SEMA6A: variants seen among roughly 807,000 people sequenced by gnomAD.
SEMA6A encodes semaphorin 6A.
A neutral mutation model predicts 96.8 loss-of-function variants in SEMA6A; 25 were observed. The ratio of observed to expected loss-of-function variants is 0.26; its 90% CI spans 0.19 to 0.36. The LOEUF (loss-of-function observed/expected upper bound fraction) is 0.36. Ranked by LOEUF, SEMA6A falls within the 10% of genes least tolerant of loss-of-function variation. The pLI, the probability that SEMA6A is intolerant of heterozygous loss-of-function variation, is 1.00. For synonymous variants in SEMA6A, 612 were observed against 518.0 expected (o/e 1.18, Z -2.46); for missense variants, 1,363 against 1,323.1 (o/e 1.03, Z -0.47).
At chr5:116,512,609 T>C (rs1015277938) in intron 1 of SEMA6A, among the ~76,000 whole-genome samples, 1 of 152,212 alleles carries the variant, frequency 6.6e-6, no homozygotes, top group Non-Finnish European at 1.5e-5. Context: ...AAAGGTTGGT[T>C]GTATACGTAT....
rs762933286 is a variant in SEMA6A at position 116,447,131 on chromosome 5, G to A, written c.2575C>T (p.Leu859Phe). ...CCATGGTTGGGACTCTTGCTGCTGA[G>A]ATGTTCCTTGATGGTCTTATACTCC... ...TLEYKTIKEH[L>F]SSKSPNHGVN... Residue 859 changes from leucine to phenylalanine, a missense_variant, in exon 19 of 19, where the codon CTC (leucine) becomes TTC (phenylalanine). By Grantham distance (22) the Leu-to-Phe change is conservative. Transcript: ENST00000343348. The A allele has an allele frequency of 6.2e-6, 10 of 1,613,984 alleles. No individual in the cohort carries two copies. Among genetic ancestry groups the A allele is most frequent in the Non-Finnish European group, 8.5e-6 (10 of 1,179,878 alleles).
Position 116,446,681 on chromosome 5 carries a change from C to T in SEMA6A, c.3025G>A (p.Asp1009Asn). 1 of 1,565,540 alleles carries T rather than the reference C, an allele frequency of 6.4e-7. No homozygotes were observed. Among genetic ancestry groups the T allele is most frequent in the Non-Finnish European group, 8.7e-7 (1 of 1,154,290 alleles). Reference protein sequence around the residue: ...GLKRTPSLKPDVPPKPSFAPL... With the variant: ...GLKRTPSLKPNVPPKPSFAPL... ...GCAAAGGATGGTTTGGGGGGTACGT[C>T]CGGCTTTAGCGAGGGCGTACGCTTC... The change falls in exon 19 of 19, where the codon GAC (aspartate) becomes AAC (asparagine). Residue 1009 changes from aspartate (D) to asparagine (N), a missense_variant. This residue lies in a region of SEMA6A where 883 missense variants were observed against 763.6 expected (regional missense o/e 1.16). Coordinates refer to ENST00000343348, the MANE Select transcript of SEMA6A (RefSeq NM_020796.5).
chr5:116,492,228 T>G (rs1757365137), intron 6 of SEMA6A: 2 of 183,670 alleles, frequency 1.1e-5, no homozygotes, highest in Non-Finnish European at 2.3e-5. Flanking sequence ...TCCTAAGCTG[T>G]GCACGCTCTA....
chr5:116,462,294 G>A (rs750220262), intron 18 of SEMA6A, among the ~76,000 whole-genome samples: 1 of 152,158 alleles, frequency 6.6e-6, no homozygotes, highest in Non-Finnish European at 1.5e-5. Context: ...CTTAGAATAG[G>A]TAAAGTTTGA....
intron 1 of SEMA6A, among the ~76,000 whole-genome samples, chr5:116,570,513 G>T (rs991089716): frequency 5.9e-5 from 9 of 152,342 alleles, no homozygotes; most frequent in Admixed American, 5.9e-4. Context: ...GAAGGGTGTG[G>T]AGAGGGGCAG....
chr5:116,503,374 G>A (rs1580446679), intron 2 of SEMA6A, among the ~76,000 whole-genome samples: 1 of 152,154 alleles, frequency 6.6e-6, no homozygotes, highest in Non-Finnish European at 1.5e-5. Context: ...AGACAATCTT[G>A]TGCTTTCCCT....
chr5:116,505,024 T>TG, intron 1 of SEMA6A, 42 bp from the exon 2 acceptor site: 1 of 904,870 alleles, frequency 1.1e-6, no homozygotes, highest in Non-Finnish European at 1.7e-6. Context: ...AAGTCAGCTT[T>TG]GTTCAATGCC....
intron 2 of SEMA6A, 90 bp downstream of exon 2, chr5:116,504,755 T>A: frequency 2.0e-6 from 2 of 1,000,712 alleles, no homozygotes; most frequent in Non-Finnish European, 3.1e-6. Context: ...TCACCTATTC[T>A]ATTTCATTTT....
chr5:116,489,125 G>T, intron 7 of SEMA6A, 118 bp from the exon 8 acceptor site: 1 of 1,176,542 alleles, frequency 8.5e-7, no homozygotes, highest in Admixed American at 3.2e-5. Context: ...AGCACAACTG[G>T]GAAAAATCCA....
chr5:116,491,254 T>A (rs1757310155), intron 7 of SEMA6A, among the ~76,000 whole-genome samples: 1 of 152,150 alleles, frequency 6.6e-6, no homozygotes, highest in Non-Finnish European at 1.5e-5. Context: ...GGGCTGGCAG[T>A]CATCCTCTGA....
In SEMA6A at chr5:116,467,701, C is replaced by T. The variant is rs779968666; in HGVS notation, c.1776G>A (p.Thr592=). 7.3e-5 allele frequency: 118 copies of T among 1,613,652 alleles called. No homozygotes were observed. Among genetic ancestry groups the T allele is most frequent in the Non-Finnish European group, 9.6e-5 (113 of 1,179,844 alleles). ...CCCTAGACTCATACCCCTCTTGAGCCGTCGAATCTGATGTGGTTGTGCTGG... is the reference window on the plus strand; with the variant it reads ...CCCTAGACTCATACCCCTCTTGAGCTGTCGAATCTGATGTGGTTGTGCTGG... ...LLPSTTTSDS[T]AQEGYESRGG... is the part of the protein sequence containing the mutation. Residue 592 remains threonine, a synonymous_variant, in exon 18 of 19, where the codon ACG becomes ACA. Coordinates refer to ENST00000343348, the MANE Select transcript of SEMA6A (RefSeq NM_020796.5).
Position 116,480,172 on chromosome 5 carries a change from C to T in SEMA6A, c.1200G>A (p.Glu400=). The change falls in exon 12 of 19, where the codon GAG becomes GAA. Residue 400 remains glutamate (E), a synonymous_variant. Transcript: ENST00000343348. ...GCCTGTTGAAGATGGAGGGCACTGC[C>T]TCATCCATGAGCGGGTGCGTCTTGA... ...NFIKTHPLMD[E]AVPSIFNRPW... is the part of the protein sequence containing the mutation. The T allele has an allele frequency of 1.2e-6, 2 of 1,613,812 alleles. No individual in the cohort carries two copies. The highest frequency in any genetic ancestry group is 1.7e-6 in the Non-Finnish European group (2 of 1,179,802).
intron 16 of SEMA6A, among the ~76,000 whole-genome samples, chr5:116,473,340 C>T (rs543949050): frequency 4.3e-4 from 65 of 152,346 alleles, no homozygotes; most frequent in Middle Eastern, 3.4e-3. Context: ...AGAGAAAATG[C>T]AAGAGTTGGC....
At position 116,445,231 on chromosome 5, in the gene SEMA6A, T is replaced by C. The variant is rs1480084499; in HGVS notation, c.*1382A>G. 6.6e-6 allele frequency: 1 copy of C among 152,624 alleles called. No homozygotes were observed. Among genetic ancestry groups the C allele is most frequent in the Non-Finnish European group, 1.5e-5 (1 of 68,042 alleles). The allele number at this position is 152,624 out of a possible 1,614,324, so 9.5% of individuals were successfully genotyped here. On this transcript the variant is annotated 3_prime_UTR_variant, in exon 19 of 19. Transcript: ENST00000343348. ...GGTGGGGAAGGGAGGGTTAAATAAA[T>C]ATCTGCACTTATTTCAAAAGGGGGA...
rs761738870 is a variant in SEMA6A at position 116,447,289 on chromosome 5, C to T, written c.2417G>A (p.Arg806Gln). The T allele has an allele frequency of 2.2e-5, 35 of 1,613,646 alleles. No individual in the cohort carries two copies. The highest frequency in any genetic ancestry group is 2.0e-4 in the African/African-American group (15 of 74,942). The change falls in exon 19 of 19, where the codon CGG (arginine) becomes CAG (glutamine). Residue 806 changes from arginine (R) to glutamine (Q), a missense_variant. Arg to Gln is a conservative substitution (Grantham distance 43). This residue lies in a region of SEMA6A where 883 missense variants were observed against 763.6 expected (regional missense o/e 1.16). Coordinates refer to ENST00000343348, the MANE Select transcript of SEMA6A (RefSeq NM_020796.5). ...SPVIPTDLPLRASPSHIPSVV... is the reference protein window; with the variant it reads ...SPVIPTDLPLQASPSHIPSVV... ...GCTGGGGATGTGGCTGGGGGAGGCC[C>T]GCAGGGGCAGGTCCGTGGGAATCAC...
intron 9 of SEMA6A, among the ~76,000 whole-genome samples, chr5:116,487,445 A>G (rs1281026880): frequency 1.3e-5 from 2 of 152,156 alleles, no homozygotes; most frequent in Admixed American, 6.5e-5. Context: ...GCTTTTTGCA[A>G]TAAAGACAAA....
intron 2 of SEMA6A, 120 bp from the exon 3 acceptor site, chr5:116,502,447 C>T: frequency 2.7e-6 from 2 of 728,520 alleles, no homozygotes; most frequent in Non-Finnish European, 4.8e-6. Context: ...ACCATGCCAC[C>T]ATTTTCCATT....
At chr5:116,454,160 A>G (rs1026351481) in intron 18 of SEMA6A, among the ~76,000 whole-genome samples, 2 of 152,284 alleles carry the variant, frequency 1.3e-5, no homozygotes, top group East Asian at 1.9e-4. Flanking sequence ...CACAAAGACA[A>G]CAAAGCCTCT....
At chr5:116,564,765 A>T (rs557513501) in intron 1 of SEMA6A, among the ~76,000 whole-genome samples, 2 of 152,336 alleles carry the variant, frequency 1.3e-5, no homozygotes, top group African/African-American at 4.8e-5. Context: ...TTCATATACT[A>T]TTCACGAGTT....
Sources: allele counts gnomAD v4.1 joint callset (sites outside exome capture counted in the v4.1 genomes callset), GRCh38; gene constraint gnomAD v4.1.1; regional missense constraint gnomAD v4.1.1; transcripts MANE v1.5; gene names NCBI Gene and HGNC (gene_info 2026-07-23, HGNC 2026-07-21).